IPO8: variants seen among roughly 807,000 people sequenced by gnomAD.
The protein encoded by IPO8 is importin-8.
In IPO8, 65 loss-of-function variants were observed where a neutral mutation model predicts 141.2. The observed-to-expected ratio is 0.46, with a 90% CI of 0.38 to 0.57. The LOEUF is 0.57. Ranked by LOEUF, IPO8 falls within the 20% of genes least tolerant of loss-of-function variation. The pLI is 0.00. For missense variants in IPO8, 980 were observed against 1,246.8 expected, an observed-to-expected ratio of 0.79 and a Z score of 3.22; for synonymous variants, 411 against 420.3, an observed-to-expected ratio of 0.98 and a Z score of 0.27.
chr12:30,678,871 G>A (rs892600595), intron 5 of IPO8, among the ~76,000 whole-genome samples: 3 of 152,028 alleles, frequency 2.0e-5, no homozygotes, highest in Non-Finnish European at 4.4e-5. Context: ...GCGGAGTCTC[G>A]CTCTGTCACC....
In IPO8 at chr12:30,670,379, T is replaced by C. The variant is rs137964655; in HGVS notation, c.1044+583A>G. ...CTGTCAAATTATCCAATTATTTGTA[T>C]ACAAGGAAGTATTTATTTATTAGTG... On this transcript the variant is annotated intron_variant, in intron 9 of 24. Transcript: ENST00000256079. Among the ~76,000 whole-genome samples, 15 of 152,320 alleles carry C rather than the reference T, an allele frequency of 9.8e-5. No homozygotes were observed. The East Asian group carries it at 2.7e-3, about 27-fold the overall frequency.
rs545845172 is a variant in IPO8, at chr12:30,695,820, CT to C, written c.-174del. ...CTGCGCCACTCTGACTCCGCGCCCC[CT>C]GTCCTCCCTTTTTCCCCCCCACAAC... On this transcript the variant is annotated 5_prime_UTR_variant, in exon 1 of 25. An upstream open reading frame in the 5' UTR gains an earlier in-frame stop. Coordinates refer to ENST00000256079, the MANE Select transcript of IPO8 (RefSeq NM_006390.4). The surrounding 1 kb of genome is among the most constrained non-coding windows in gnomAD (Gnocchi z 4.2). The C allele has an allele frequency of 3.9e-4, 215 of 556,148 alleles. 3 individuals are homozygous for C. The South Asian group carries it at 4.2e-3, about 11-fold the overall frequency. 34.5% of individuals were successfully genotyped at this position (556,148 alleles called of 1,614,324 possible).
chr12:30,694,145 A>T (rs2053316321), intron 1 of IPO8, among the ~76,000 whole-genome samples: 1 of 152,298 alleles, frequency 6.6e-6, no homozygotes, highest in East Asian at 1.9e-4. Context: ...TGTTCATATT[A>T]GTAGACTGCA....
At chr12:30,634,934 A>G (rs1402985295) in intron 22 of IPO8, among the ~76,000 whole-genome samples, 1 of 152,178 alleles carries the variant, frequency 6.6e-6, no homozygotes, top group African/African-American at 2.4e-5. Flanking sequence ...AGTGTCCATC[A>G]ACAACGGATG....
Position 30,681,742 on chromosome 12 carries a change from C to T in IPO8, c.399G>A (p.Lys133=), listed in dbSNP as rs1353481675. ...FPGHWPGVVD[K]IDYYLQSQSS... ...TCTGTGATTGCAAGTAATAGTCTAT[C>T]TTGTCGACCACTCCTGGCCAGTGAC... Residue 133 remains lysine, a synonymous_variant, in exon 4 of 25, where the codon AAG becomes AAA. Coordinates refer to ENST00000256079, the MANE Select transcript of IPO8 (RefSeq NM_006390.4). The T allele has an allele frequency of 1.2e-6, 2 of 1,613,798 alleles. No individual in the cohort carries two copies. Among genetic ancestry groups the T allele is most frequent in the African/African-American group, 1.3e-5 (1 of 74,932 alleles).
At chr12:30,665,602 G>A (rs1196109562) in intron 12 of IPO8, 127 bp downstream of exon 12, 5 of 647,248 alleles carry the variant, frequency 7.7e-6, no homozygotes, top group South Asian at 4.1e-5. Context: ...TGACAGAAAG[G>A]AGGATAGTTG....
At chr12:30,688,232 T>A in intron 2 of IPO8, 1 of 247,860 alleles carries the variant, frequency 4.0e-6, no homozygotes, top group Non-Finnish European at 8.1e-6. Context: ...CTATTATGCT[T>A]ATCAACACCT....
chr12:30,641,493 C>CTTTTTTTTTTTTTTTTTTTTTTTTTTT (rs58656525), intron 20 of IPO8, among the ~76,000 whole-genome samples: 1 of 135,050 alleles, frequency 7.4e-6, no homozygotes, highest in African/African-American at 2.7e-5. Context: ...TAAGCTATTT[C>CTTTTTTTTTTTTTTTTTTTTTTTTTTT]TTTTTTTTTT....
intron 23 of IPO8, among the ~76,000 whole-genome samples, chr12:30,633,094 C>T (rs1264276071): frequency 2.6e-5 from 4 of 152,222 alleles, no homozygotes; most frequent in Admixed American, 6.5e-5. Flanking sequence ...TATGCTGTTA[C>T]GTTTCCCATG....
intron 17 of IPO8, among the ~76,000 whole-genome samples, chr12:30,656,076 T>C (rs550367041): frequency 6.6e-6 from 1 of 152,352 alleles, no homozygotes; most frequent in Admixed American, 6.5e-5. Context: ...CTCACTCTGT[T>C]GCCCAGGGGG....
intron 10 of IPO8, among the ~76,000 whole-genome samples, chr12:30,666,687 T>G (rs1202757619): frequency 6.6e-6 from 1 of 152,104 alleles, no homozygotes; most frequent in Non-Finnish European, 1.5e-5. Flanking sequence ...ACACACATAA[T>G]AAGTCAGGCT....
chr12:30,630,123 A>C lies in IPO8; in HGVS notation c.*737T>G, dbSNP rs2052409782. 6.6e-6 allele frequency: 1 copy of C among 152,218 alleles called. No homozygotes were observed. The highest frequency in any genetic ancestry group is 1.5e-5 in the Non-Finnish European group (1 of 68,036). 9.4% of individuals were successfully genotyped at this position (152,218 alleles called of 1,614,324 possible). On this transcript the variant is annotated 3_prime_UTR_variant, in exon 25 of 25. Transcript: ENST00000256079. ...TGAGTCCTGAACTTACAAGGTTAGGAGTGAAACTGATATGTGTATTTGTTG... is the reference window on the plus strand; with the variant it reads ...TGAGTCCTGAACTTACAAGGTTAGGCGTGAAACTGATATGTGTATTTGTTG...
chr12:30,695,742 CT>C lies in IPO8; in HGVS notation c.-96del. On this transcript the variant is annotated 5_prime_UTR_variant, in exon 1 of 25. Coordinates refer to ENST00000256079, the MANE Select transcript of IPO8 (RefSeq NM_006390.4). The surrounding 1 kb of genome is among the most constrained non-coding windows in gnomAD (Gnocchi z 4.2). ...CTCTCAGCCTCCTCTTCCGCGACCC[CT>C]GGATTACCTCACACCCCACCCCCCG... The C allele has an allele frequency of 5.3e-6, 6 of 1,140,660 alleles. No individual in the cohort carries two copies. The highest frequency in any genetic ancestry group is 3.1e-5 in the African/African-American group (2 of 64,658). The allele number at this position is 1,140,660 out of a possible 1,614,324, so 70.7% of individuals were successfully genotyped here. A position where few individuals can be genotyped will look rare whatever the true frequency, so the allele number is the denominator to read the frequency against.
In IPO8 at chr12:30,637,136, C is replaced by T; in HGVS notation, c.2541G>A (p.Leu847=). ...CIIGLSILLE[L]QNRPPAVDAV... is the part of the protein sequence containing the mutation. ...CATCTACTGCAGGAGGTCGATTTTG[C>T]AATTCCAAAAGGATACTCAGTCCTA... The change falls in exon 22 of 25, where the codon TTG becomes TTA. Residue 847 remains leucine (L), a synonymous_variant. Coordinates refer to ENST00000256079, the MANE Select transcript of IPO8 (RefSeq NM_006390.4). 7 of 1,613,678 alleles carry T rather than the reference C, an allele frequency of 4.3e-6. No homozygotes were observed. Among genetic ancestry groups the T allele is most frequent in the Non-Finnish European group, 5.9e-6 (7 of 1,179,890 alleles).
chr12:30,632,594 C>G (rs1228697059), intron 23 of IPO8, among the ~76,000 whole-genome samples: 1 of 152,194 alleles, frequency 6.6e-6, no homozygotes, highest in Non-Finnish European at 1.5e-5. Flanking sequence ...TCTCCACACC[C>G]AAAGCTCTGC....
chr12:30,673,049 G>A (rs1260652159), intron 8 of IPO8, among the ~76,000 whole-genome samples: 3 of 152,050 alleles, frequency 2.0e-5, no homozygotes, highest in Non-Finnish European at 2.9e-5. Context: ...TTGAGATCAC[G>A]AGTTCAAGAT....
chr12:30,638,871 C>T (rs2052539179), intron 21 of IPO8, among the ~76,000 whole-genome samples: 1 of 152,104 alleles, frequency 6.6e-6, no homozygotes, highest in Admixed American at 6.5e-5. Context: ...TGGGGTTTCA[C>T]CGTGTTAGCC....
chr12:30,695,788 C>G lies in IPO8; in HGVS notation c.-141G>C. On this transcript the variant is annotated 5_prime_UTR_variant, in exon 1 of 25. Transcript: ENST00000256079. The surrounding 1 kb of genome is among the most constrained non-coding windows in gnomAD (Gnocchi z 4.2). ...CCCCCGCCACCGTCGCCACCTGCGG[C>G]CACTTGCTGCGCCACTCTGACTCCG... 1 of 681,520 alleles carries G rather than the reference C, an allele frequency of 1.5e-6. No individual in the cohort carries two copies. Among genetic ancestry groups the G allele is most frequent in the South Asian group, 1.9e-5 (1 of 52,272 alleles). The allele number at this position is 681,520 out of a possible 1,614,324, so 42.2% of individuals were successfully genotyped here.
chr12:30,662,864 T>C (rs2052908380), intron 14 of IPO8, among the ~76,000 whole-genome samples: 1 of 152,194 alleles, frequency 6.6e-6, no homozygotes, highest in South Asian at 2.1e-4. Context: ...TCCCGAATAC[T>C]GATGGGGCCC....
Sources: gnomAD v4.1 joint callset for allele counts (sites outside exome capture counted in the v4.1 genomes callset) on GRCh38, gnomAD v4.1.1 for gene constraint, Gnocchi (gnomAD v3.1) non-coding constraint, MANE v1.5 for transcripts, NCBI Gene and HGNC (gene_info 2026-07-23, HGNC 2026-07-21) for gene names.